Variants in CNST observed in about 807,000 individuals in gnomAD.
The protein encoded by CNST is consortin.
CNST carries 39 observed loss-of-function variants against 72.4 expected under a neutral mutation model. That is an observed-to-expected ratio of 0.54 (90% CI 0.42 to 0.70). The LOEUF (loss-of-function observed/expected upper bound fraction) is 0.70, where lower values mean the gene tolerates loss of function less well. Among genes scored for constraint, CNST ranks in the 30% least tolerant of loss-of-function variants. The pLI, the probability that CNST is intolerant of heterozygous loss-of-function variation, is 0.00. For missense variants in CNST, 871 were observed against 868.5 expected, an observed-to-expected ratio of 1.00 and a Z score of -0.04; for synonymous variants, 332 against 320.1, an observed-to-expected ratio of 1.04 and a Z score of -0.40.
chr1:246,653,371 G>A (rs745358893), intron 9 of CNST, among the ~76,000 whole-genome samples: 4 of 152,174 alleles, frequency 2.6e-5, no homozygotes, highest in Admixed American at 1.3e-4. Context: ...AGCAGTAGTC[G>A]CTTATGAAAT....
chr1:246,660,218 T>G lies in CNST; in HGVS notation c.1856T>G (p.Leu619Trp). Residue 619 changes from leucine to tryptophan, a missense_variant, in exon 10 of 11, where the codon TTG becomes TGG. Physicochemically the swap from Leu to Trp is moderately conservative, Grantham distance 61. Transcript: ENST00000366513. Reference protein sequence around the residue: ...EIAEVVPTEGLVSILKKRNDT... With the variant: ...EIAEVVPTEGWVSILKKRNDT... ...TGACAGGTTGTTCCTACTGAAGGAT[T>G]GGTCTCCATATTAAAGAAGAGGAAT... 1 of 1,611,050 alleles carries G rather than the reference T, an allele frequency of 6.2e-7. No individual in the cohort carries two copies. The highest frequency in any genetic ancestry group is 8.5e-7 in the Non-Finnish European group (1 of 1,178,914).
intron 9 of CNST, among the ~76,000 whole-genome samples, chr1:246,652,722 T>C (rs1666517220): frequency 6.6e-6 from 1 of 152,062 alleles, no homozygotes; most frequent in Non-Finnish European, 1.5e-5. Context: ...GCTTTTAATC[T>C]GGCCGGGCAC....
chr1:246,613,987 C>G (rs1222353213), intron 2 of CNST, among the ~76,000 whole-genome samples: 2 of 151,972 alleles, frequency 1.3e-5, no homozygotes, highest in Non-Finnish European at 2.9e-5. Flanking sequence ...AGCCACTGCA[C>G]TTGGCCTGTG....
At chr1:246,600,506 C>T (rs912040572) in intron 2 of CNST, among the ~76,000 whole-genome samples, 9 of 151,988 alleles carry the variant, frequency 5.9e-5, no homozygotes, top group Admixed American at 1.3e-4. Flanking sequence ...AGTAGCTGTA[C>T]GGCTGGAGAG....
intron 2 of CNST, among the ~76,000 whole-genome samples, chr1:246,592,631 GTCATTC>G (rs1201887798): frequency 2.6e-5 from 4 of 152,140 alleles, no homozygotes; most frequent in African/African-American, 7.2e-5. Context: ...ATTGCCTTCT[GTCATTC>G]CTGTGGCTTT....
Position 246,647,299 on chromosome 1 carries a change from C to T in CNST, c.1098C>T (p.Ser366=), listed in dbSNP as rs746050547. 1.4e-5 allele frequency: 23 copies of T among 1,613,990 alleles called. No individual in the cohort carries two copies. The highest frequency in any genetic ancestry group is 5.0e-5 in the Admixed American group (3 of 59,998). Residue 366 remains serine (S), a synonymous_variant, in exon 9 of 11, where the codon AGC becomes AGT. Coordinates refer to ENST00000366513, the MANE Select transcript of CNST (RefSeq NM_152609.3). The part of the protein sequence containing the change: ...GKDHMEELLC[S]AEATLALHTQ... ...ACCACATGGAGGAGCTGCTCTGCAG[C>T]GCTGAAGCCACGTTAGCGCTCCACA...
chr1:246,650,400 A>G (rs2103141383), intron 9 of CNST, among the ~76,000 whole-genome samples: 1 of 152,344 alleles, frequency 6.6e-6, no homozygotes, highest in South Asian at 2.1e-4. Context: ...TGACAATGCC[A>G]AGCAGATTGT....
intron 1 of CNST, among the ~76,000 whole-genome samples, chr1:246,582,317 ATC>A (rs1212076153): frequency 6.6e-6 from 1 of 150,568 alleles, no homozygotes; most frequent in Non-Finnish European, 1.5e-5. Flanking sequence ...TACCTTCCAC[ATC>A]TACTCAGTCC....
At chr1:246,648,410 A>G (rs935841128) in intron 9 of CNST, among the ~76,000 whole-genome samples, 1 of 152,190 alleles carries the variant, frequency 6.6e-6, no homozygotes, top group African/African-American at 2.4e-5. Flanking sequence ...AGCAGATAAA[A>G]TATGATATGT....
At chr1:246,606,378 G>T (rs1662816372) in intron 2 of CNST, 1 of 152,016 alleles carries the variant, frequency 6.6e-6, no homozygotes, top group Non-Finnish European at 1.5e-5. Flanking sequence ...CTACTTTTCT[G>T]ATGTTTGAAG....
intron 10 of CNST, among the ~76,000 whole-genome samples, chr1:246,665,391 A>G (rs550852152): frequency 1.3e-5 from 2 of 152,282 alleles, no homozygotes; most frequent in South Asian, 2.1e-4. Context: ...AACAAAAATG[A>G]ATGAATTCAT....
At chr1:246,587,924 A>G (rs1260064266) in intron 1 of CNST, among the ~76,000 whole-genome samples, 1 of 152,022 alleles carries the variant, frequency 6.6e-6, no homozygotes, top group Non-Finnish European at 1.5e-5. Context: ...ATTTCTTCAT[A>G]TTTTTAACAG....
intron 1 of CNST, among the ~76,000 whole-genome samples, chr1:246,567,312 G>T (rs1320539748): frequency 6.6e-6 from 1 of 151,452 alleles, no homozygotes; most frequent in Non-Finnish European, 1.5e-5. Flanking sequence ...ACCCAATTTT[G>T]AAGACTAAAA....
At chr1:246,618,852 C>T (rs550457639) in intron 2 of CNST, among the ~76,000 whole-genome samples, 2 of 152,212 alleles carry the variant, frequency 1.3e-5, no homozygotes, top group East Asian at 1.9e-4. Context: ...TGCAGGTTGC[C>T]GATTATCCAG....
chr1:246,601,801 A>G (rs1363742574), intron 2 of CNST, among the ~76,000 whole-genome samples: 1 of 152,182 alleles, frequency 6.6e-6, no homozygotes. Flanking sequence ...TCTCAAAAAT[A>G]AAATAAAATA....
At chr1:246,582,295 A>G (rs376519126) in intron 1 of CNST, among the ~76,000 whole-genome samples, 1 of 151,910 alleles carries the variant, frequency 6.6e-6, no homozygotes, top group African/African-American at 2.4e-5. Flanking sequence ...AGGTGGGTTC[A>G]TAACTGTCTT....
intron 2 of CNST, among the ~76,000 whole-genome samples, chr1:246,596,537 T>C (rs574523582): frequency 1.7e-4 from 26 of 152,286 alleles, no homozygotes; most frequent in Middle Eastern, 3.4e-3. Context: ...AGAAAAACAA[T>C]GGAAATTAAT....
At chr1:246,578,722 T>C (rs1490124663) in intron 1 of CNST, among the ~76,000 whole-genome samples, 1 of 152,076 alleles carries the variant, frequency 6.6e-6, no homozygotes, top group Non-Finnish European at 1.5e-5. Flanking sequence ...TAAGGCTAAA[T>C]AGTATTATTA....
intron 2 of CNST, among the ~76,000 whole-genome samples, chr1:246,621,007 T>G (rs1269640248): frequency 6.6e-6 from 1 of 152,260 alleles, no homozygotes; most frequent in Non-Finnish European, 1.5e-5. Flanking sequence ...TCTATTAAAT[T>G]TGAACATGAA....
Sources: gnomAD v4.1 joint callset for allele counts (sites outside exome capture counted in the v4.1 genomes callset) on GRCh38, gnomAD v4.1.1 for gene constraint, MANE v1.5 for transcripts, NCBI Gene and HGNC (gene_info 2026-07-23, HGNC 2026-07-21) for gene names.